RBFOX2: variants seen among roughly 807,000 people sequenced by gnomAD.
The protein encoded by RBFOX2 is RNA binding protein fox-1 homolog 2.
A neutral mutation model predicts 49.1 loss-of-function variants in RBFOX2; 10 were observed. The observed-to-expected ratio is 0.20, with a 90% confidence interval of 0.13 to 0.35. The LOEUF is 0.35. Ranked by LOEUF, RBFOX2 falls within the 10% of genes least tolerant of loss-of-function variation. The pLI, the probability that RBFOX2 is intolerant of heterozygous loss-of-function variation, is 1.00. For synonymous variants in RBFOX2, 183 were observed against 187.4 expected (o/e 0.98, Z 0.19); for missense variants, 323 against 486.9 (o/e 0.66, Z 3.17).
intron 1 of RBFOX2, among the ~76,000 whole-genome samples, chr22:36,026,541 T>TACACACAC (rs3075271): frequency 4.3e-4 from 59 of 136,642 alleles, no homozygotes; most frequent in African/African-American, 1.3e-3. Context: ...AATGAATACA[T>TACACACAC]ACACACACAC....
At chr22:35,911,946 AT>A (rs780606716) in intron 1 of RBFOX2, among the ~76,000 whole-genome samples, 3 of 150,906 alleles carry the variant, frequency 2.0e-5, no homozygotes, top group Admixed American at 6.6e-5. Flanking sequence ...TGGTTCACTC[AT>A]TTTTTTTTAA....
At chr22:35,852,224 C>T (rs1019211159) in intron 1 of RBFOX2, among the ~76,000 whole-genome samples, 2 of 152,088 alleles carry the variant, frequency 1.3e-5, no homozygotes, top group Non-Finnish European at 2.9e-5. Context: ...GCAAATACTA[C>T]ACCATTTTAT....
At chr22:36,026,847 C>A (rs186563091) in intron 1 of RBFOX2, among the ~76,000 whole-genome samples, 1 of 152,180 alleles carries the variant, frequency 6.6e-6, no homozygotes, top group Non-Finnish European at 1.5e-5. Flanking sequence ...AAGAAGCATA[C>A]AACAAACATG....
chr22:35,746,051 T>C, intron 10 of RBFOX2, 56 bp from the exon 13 acceptor site: 13 of 1,449,646 alleles, frequency 9.0e-6, no homozygotes, highest in Non-Finnish European at 1.3e-5. Flanking sequence ...TCTAAAAAAA[T>C]TAAAGGGATT....
chr22:35,781,812 C>T, intron 2 of RBFOX2, 66 bp from the exon 4 acceptor site: 1 of 1,597,038 alleles, frequency 6.3e-7, no homozygotes, highest in Admixed American at 1.7e-5. Context: ...GTTATCCCCC[C>T]ACAGCAATCA....
intron 1 of RBFOX2, among the ~76,000 whole-genome samples, chr22:35,813,420 G>C (rs953035792): frequency 1.3e-5 from 2 of 152,176 alleles, no homozygotes; most frequent in African/African-American, 2.4e-5. Context: ...TCTATTACCA[G>C]AGGCTAAGCT....
chr22:35,899,660 C>T (rs1447195614), intron 1 of RBFOX2, among the ~76,000 whole-genome samples: 1 of 151,568 alleles, frequency 6.6e-6, no homozygotes, highest in Non-Finnish European at 1.5e-5. Context: ...ATAAGGAAAG[C>T]TATGCTTTAT....
chr22:35,801,735 G>C (rs1949828145), intron 2 of RBFOX2, among the ~76,000 whole-genome samples: 1 of 152,158 alleles, frequency 6.6e-6, no homozygotes, highest in Admixed American at 6.5e-5. Flanking sequence ...TAAGGCAGGA[G>C]AATCGCTTGA....
At chr22:35,902,920 T>C (rs563333505) in intron 1 of RBFOX2, among the ~76,000 whole-genome samples, 1 of 152,034 alleles carries the variant, frequency 6.6e-6, no homozygotes, top group Non-Finnish European at 1.5e-5. Flanking sequence ...CCTCCCAAAA[T>C]GCAGGGATTA....
intron 1 of RBFOX2, among the ~76,000 whole-genome samples, chr22:35,852,997 T>C (rs545579768): frequency 6.6e-6 from 1 of 152,154 alleles, no homozygotes; most frequent in South Asian, 2.1e-4. Context: ...TGATGCATTA[T>C]TAAATGAAAA....
At chr22:36,014,272 G>A (rs373186149) in intron 1 of RBFOX2, among the ~76,000 whole-genome samples, 168 of 151,996 alleles carry the variant, frequency 1.1e-3, no homozygotes, top group African/African-American at 3.8e-3. Context: ...ACAGGCACCC[G>A]CCACCACGCC....
At chr22:35,792,330 A>AAAAAAAAAAG (rs1555915604) in intron 2 of RBFOX2, among the ~76,000 whole-genome samples, 12 of 136,400 alleles carry the variant, frequency 8.8e-5, no homozygotes, top group South Asian at 4.7e-4. Context: ...AAAAAAAAAA[A>AAAAAAAAAAG]AAAAGAAAAG....
At chr22:36,005,386 C>T (rs1169402055) in intron 1 of RBFOX2, among the ~76,000 whole-genome samples, 1 of 152,120 alleles carries the variant, frequency 6.6e-6, no homozygotes, top group Non-Finnish European at 1.5e-5. Context: ...TAAATGTGAA[C>T]GATTCTTAAT....
At chr22:35,973,567 G>T (rs2056992034) in intron 1 of RBFOX2, among the ~76,000 whole-genome samples, 1 of 152,198 alleles carries the variant, frequency 6.6e-6, no homozygotes, top group South Asian at 2.1e-4. Context: ...GATTAGATTA[G>T]AACTGTCTGT....
intron 2 of RBFOX2, among the ~76,000 whole-genome samples, chr22:35,799,960 C>T (rs1384354504): frequency 6.6e-6 from 1 of 151,570 alleles, no homozygotes. Flanking sequence ...CCTCAAAGAC[C>T]CCCTTCCCCC....
rs1569517048 is a variant in RBFOX2 at position 35,977,729 on chromosome 22, T to TAG, written c.187-38833_187-38832insCT. Among the ~76,000 whole-genome samples, 41 of 30,260 alleles carry TAG rather than the reference T, an allele frequency of 1.4e-3. 1 individual carries two copies. Among genetic ancestry groups the TAG allele is most frequent in the African/African-American group, 2.7e-3 (32 of 11,674 alleles). The allele number at this position is 30,260 out of a possible 152,430, so 19.9% of individuals were successfully genotyped here. ...AAATTATACCTGAATGAACTATATA[T>TAG]ATATATATATATATATATATATATA... is the stretch of plus-strand genomic sequence containing the variant. On this transcript the variant is annotated intron_variant, in intron 1 of 13. Coordinates refer to the RBFOX2 transcript ENST00000438146.
intron 1 of RBFOX2, among the ~76,000 whole-genome samples, chr22:35,935,726 A>G (rs553619916): frequency 3.9e-5 from 6 of 152,286 alleles, no homozygotes; most frequent in Admixed American, 1.3e-4. Context: ...ACATTTTCCT[A>G]TGGTCAATCA....
chr22:35,948,439 C>A (rs2054557396), intron 1 of RBFOX2, among the ~76,000 whole-genome samples: 1 of 152,120 alleles, frequency 6.6e-6, no homozygotes, highest in African/African-American at 2.4e-5. Context: ...TGACTCACTC[C>A]TGTAATCTCA....
chr22:35,832,247 C>T (rs907444042), intron 1 of RBFOX2, among the ~76,000 whole-genome samples: 41 of 151,990 alleles, frequency 2.7e-4, no homozygotes, highest in African/African-American at 8.9e-4. Context: ...GTGACGCACA[C>T]CTGTAGTCCC....
Sources: allele counts gnomAD v4.1 joint callset (sites outside exome capture counted in the v4.1 genomes callset), GRCh38; gene constraint gnomAD v4.1.1; transcripts MANE v1.5; gene names NCBI Gene and HGNC (gene_info 2026-07-23, HGNC 2026-07-21).